Variants in PSMD13 observed in about 807,000 individuals in gnomAD.
PSMD13 encodes proteasome 26S subunit, non-ATPase 13, also known as 26S proteasome non-ATPase regulatory subunit 13.
In PSMD13, 8 loss-of-function variants were observed where a neutral mutation model predicts 57.4. The observed-to-expected ratio is 0.14, with a 90% CI of 0.08 to 0.25. The LOEUF (loss-of-function observed/expected upper bound fraction) is 0.25, where lower values mean the gene tolerates loss of function less well. PSMD13 is among the 10% of genes least tolerant of loss of function. PSMD13 has a pLI of 1.00. For synonymous variants in PSMD13, 193 were observed against 168.2 expected (o/e 1.15, Z -1.14); for missense variants, 400 against 461.5 (o/e 0.87, Z 1.22).
chr11:245,227 GCCGCTGCGCCCAGCC>G (rs1399222941), intron 6 of PSMD13, among the ~76,000 whole-genome samples: 2 of 152,182 alleles, frequency 1.3e-5, no homozygotes, highest in Admixed American at 1.3e-4. Flanking sequence ...ACAGCCGTGA[GCCGCTGCGCCCAGCC>G]CCCCCGATTG....
At chr11:245,081 C>T (rs1437814945) in intron 6 of PSMD13, among the ~76,000 whole-genome samples, 2 of 151,964 alleles carry the variant, frequency 1.3e-5, no homozygotes, top group African/African-American at 2.4e-5. Flanking sequence ...GCTGGAATTA[C>T]AGGCGCGTGC....
intron 2 of PSMD13, among the ~76,000 whole-genome samples, chr11:240,071 A>G (rs891711654): frequency 1.7e-5 from 2 of 120,534 alleles, no homozygotes; most frequent in African/African-American, 6.0e-5. Context: ...AGTCTTCTGG[A>G]TTATGTGGGA....
chr11:251,256 C>T lies in PSMD13; in HGVS notation c.838-290C>T, dbSNP rs531783101. 11 of 460,848 alleles carry T rather than the reference C, an allele frequency of 2.4e-5. No individual in the cohort carries two copies. Among genetic ancestry groups the T allele is most frequent in the Non-Finnish European group, 3.5e-5 (9 of 256,808 alleles). 28.5% of individuals were successfully genotyped at this position (460,848 alleles called of 1,614,324 possible). A position where few individuals can be genotyped will look rare whatever the true frequency, so the allele number is the denominator to read the frequency against. On this transcript the variant is annotated intron_variant, in intron 10 of 12. Transcript: ENST00000532097. The surrounding 1 kb of genome is among the most constrained non-coding windows in gnomAD (Gnocchi z 4.6). ...AGTGGCCCTTAGATTTCTGGTTTGC[C>T]GTGGTCACCCCTGGTCAACCCTGGC...
chr11:243,731 G>A (rs1490527825), intron 2 of PSMD13, among the ~76,000 whole-genome samples: 1 of 152,216 alleles, frequency 6.6e-6, no homozygotes, highest in Non-Finnish European at 1.5e-5. Flanking sequence ...TTAGCTTACA[G>A]TACCTGGAAG....
chr11:244,772 C>A lies in PSMD13; in HGVS notation c.396+11C>A, dbSNP rs767784880. On this transcript the variant is annotated intron_variant, in intron 6 of 12. Coordinates refer to ENST00000532097, the MANE Select transcript of PSMD13 (RefSeq NM_002817.4). The stretch of plus-strand genomic sequence containing the variant: ...CTACAGGTTACAAAGGTGAGATCAC[C>A]ATAATACAGATTTATCTTTGGTTTA... The A allele has an allele frequency of 1.1e-5, 17 of 1,556,940 alleles. No homozygotes were observed. The highest frequency in any genetic ancestry group is 1.5e-5 in the Non-Finnish European group (17 of 1,142,158).
At chr11:247,843 A>G (rs755430037) in intron 7 of PSMD13, 20 of 156,394 alleles carry the variant, frequency 1.3e-4, no homozygotes, top group Non-Finnish European at 2.8e-4. Flanking sequence ...ATCCAAACAA[A>G]AAAGAAATTA....
intron 2 of PSMD13, among the ~76,000 whole-genome samples, chr11:242,245 G>A (rs1321738276): frequency 2.0e-5 from 3 of 147,582 alleles, no homozygotes; most frequent in Non-Finnish European, 4.5e-5. Context: ...TGTCTTACAC[G>A]TTCTATGTTG....
intron 7 of PSMD13, 38 bp downstream of exon 7, chr11:247,486 T>A (rs767054445): frequency 1.3e-6 from 2 of 1,594,180 alleles, no homozygotes; most frequent in Admixed American, 3.5e-5. Context: ...CACAGGAGCA[T>A]ATTCTCCAAA....
At chr11:242,211 G>A (rs1318613810) in intron 2 of PSMD13, among the ~76,000 whole-genome samples, 1 of 148,536 alleles carries the variant, frequency 6.7e-6, no homozygotes, top group Non-Finnish European at 1.5e-5. Flanking sequence ...CAGTGGACCA[G>A]GAGCTCCTTG....
chr11:251,454 A>G lies in PSMD13; in HGVS notation c.838-92A>G, dbSNP rs1261464303. Reference sequence around the variant, plus strand: ...TATGTGGGGTACTAATAAGATCTCTATTTTCAGAGCCAATATTGACAAAAC... The same window carrying G: ...TATGTGGGGTACTAATAAGATCTCTGTTTTCAGAGCCAATATTGACAAAAC... On this transcript the variant is annotated intron_variant, in intron 10 of 12. Transcript: ENST00000532097. This position sits in a 1 kb window ranked among gnomAD's most constrained non-coding sequence, Gnocchi z 4.6. 2.6e-6 allele frequency: 3 copies of G among 1,158,028 alleles called. No homozygotes were observed. The highest frequency in any genetic ancestry group is 3.7e-6 in the Non-Finnish European group (3 of 809,116). The allele number at this position is 1,158,028 out of a possible 1,614,324, so 71.7% of individuals were successfully genotyped here.
At chr11:247,949 T>G (rs981506463) in intron 7 of PSMD13, 4 of 152,894 alleles carry the variant, frequency 2.6e-5, no homozygotes, top group African/African-American at 9.6e-5. Flanking sequence ...TTAATTTACA[T>G]GAAAATGAGG....
intron 6 of PSMD13, among the ~76,000 whole-genome samples, chr11:245,438 C>G (rs1859610370): frequency 6.6e-6 from 1 of 152,236 alleles, no homozygotes; most frequent in Admixed American, 6.5e-5. Context: ...TTGGTTCTCC[C>G]TGACCAAGGT....
intron 9 of PSMD13, among the ~76,000 whole-genome samples, chr11:249,534 G>A (rs942947005): frequency 3.2e-4 from 48 of 150,136 alleles, no homozygotes; most frequent in Admixed American, 2.6e-3. Flanking sequence ...ATGGGAGAGC[G>A]GTGGGTGCAG....
chr11:242,162 A>C, intron 2 of PSMD13, among the ~76,000 whole-genome samples: 1 of 146,034 alleles, frequency 6.8e-6, no homozygotes, highest in Non-Finnish European at 1.5e-5. Flanking sequence ...TTGCTCTTAA[A>C]CTCACTGTAT....
In PSMD13 at chr11:248,848, G is replaced by A; in HGVS notation, c.641G>A (p.Gly214Glu). Residue 214 changes from glycine (G) to glutamate (E), a missense_variant, in exon 8 of 13, where the codon GGA (glycine) becomes GAA (glutamate). Transcript: ENST00000532097. ...CTCGGCGAGGGAGTTTTTAACTTTG[G>A]AGAACTCGTAAGTTGACCCTGAGCT... ...GLLGEGVFNFGELLMHPVLES... is the reference protein window; with the variant it reads ...GLLGEGVFNFEELLMHPVLES... 6.2e-7 allele frequency: 1 copy of A among 1,614,140 alleles called. No homozygotes were observed. Among genetic ancestry groups the A allele is most frequent in the Non-Finnish European group, 8.5e-7 (1 of 1,180,014 alleles).
At chr11:245,033 C>T (rs775966744) in intron 6 of PSMD13, among the ~76,000 whole-genome samples, 2 of 151,398 alleles carry the variant, frequency 1.3e-5, no homozygotes, top group Non-Finnish European at 2.9e-5. Context: ...CTCCGCCTCA[C>T]GGGTTCAAGC....
chr11:245,239 AGCCCCCCC>A (rs1859606028), intron 6 of PSMD13, among the ~76,000 whole-genome samples: 1 of 152,100 alleles, frequency 6.6e-6, no homozygotes, highest in Non-Finnish European at 1.5e-5. Context: ...CGCTGCGCCC[AGCCCCCCC>A]GATTGCTAAC....
chr11:237,633 G>C (rs558869923), intron 1 of PSMD13, among the ~76,000 whole-genome samples: 8 of 152,228 alleles, frequency 5.3e-5, no homozygotes, highest in African/African-American at 1.9e-4. Context: ...CCAGAGGCTA[G>C]TACAGCTTTG....
chr11:241,146 TG>T (rs753552233), intron 2 of PSMD13, among the ~76,000 whole-genome samples: 2 of 151,324 alleles, frequency 1.3e-5, no homozygotes, highest in Non-Finnish European at 2.9e-5. Flanking sequence ...TTATTTATTT[TG>T]GGTGGGCAAA....
Sources: allele counts gnomAD v4.1 joint callset (sites outside exome capture counted in the v4.1 genomes callset), GRCh38; gene constraint gnomAD v4.1.1; non-coding constraint Gnocchi (gnomAD v3.1); transcripts MANE v1.5; gene names NCBI Gene and HGNC (gene_info 2026-07-23, HGNC 2026-07-21).